The following FGF13 variants were observed in gnomAD, a reference collection of about 807,000 sequenced individuals.
The protein encoded by FGF13 is fibroblast growth factor homologous factor 2.
Under a neutral mutation model 19.5 loss-of-function variants are expected in FGF13, and 2 were observed. The ratio of observed to expected loss-of-function variants is 0.10; its 90% CI spans 0.04 to 0.32. The LOEUF (loss-of-function observed/expected upper bound fraction) is 0.32, where lower values mean the gene tolerates loss of function less well. Ranked by LOEUF, FGF13 falls within the 10% of genes least tolerant of loss-of-function variation. FGF13 has a pLI of 1.00. For synonymous variants in FGF13, 72 were observed against 76.9 expected (o/e 0.94, Z 0.33); for missense variants, 113 against 192.7 (o/e 0.59, Z 2.45).
At chrX:139,162,527 C>G (rs5976294) in intron 1 of FGF13, among the ~76,000 whole-genome samples, 12,891 of 111,449 alleles carry the variant, frequency 0.12, 1,198 homozygotes, top group African/African-American at 0.32. Context: ...CAACAAAAGC[C>G]AAAATTGACA....
intron 1 of FGF13, among the ~76,000 whole-genome samples, chrX:139,127,645 A>G (rs1349242881): frequency 1.8e-5 from 2 of 111,659 alleles, no homozygotes; most frequent in African/African-American, 6.5e-5. Flanking sequence ...TGGCCACCAC[A>G]GGCAACTCAG....
At chrX:139,170,878 G>A (rs995182769) in intron 1 of FGF13, among the ~76,000 whole-genome samples, 1 of 111,528 alleles carries the variant, frequency 9.0e-6, no homozygotes, top group African/African-American at 3.3e-5. Flanking sequence ...CTGACCTCCC[G>A]TCATTTCCCT....
chrX:139,042,991 G>A (rs1269271093), intron 1 of FGF13, among the ~76,000 whole-genome samples: 1 of 111,097 alleles, frequency 9.0e-6, no homozygotes, highest in African/African-American at 3.3e-5. Flanking sequence ...AGAAGTTTGT[G>A]TTTAATAGCT....
intron 1 of FGF13, among the ~76,000 whole-genome samples, chrX:139,173,308 C>G (rs890361506): frequency 1.8e-5 from 2 of 110,866 alleles, no homozygotes; most frequent in African/African-American, 6.6e-5. Context: ...ACTGTCTCTT[C>G]TAGAAATTGA....
chrX:138,682,890 A>C (rs2089743352), intron 3 of FGF13, among the ~76,000 whole-genome samples: 1 of 111,907 alleles, frequency 8.9e-6, no homozygotes, highest in Admixed American at 9.5e-5. Context: ...CTGGCAAGAA[A>C]ACATGCTTGA....
chrX:138,997,413 C>A (rs771746415), intron 1 of FGF13, among the ~76,000 whole-genome samples: 3 of 59,155 alleles, frequency 5.1e-5, no homozygotes, highest in South Asian at 9.3e-4. Flanking sequence ...TCTAACCCAA[C>A]GCAAGGAAGC....
chrX:138,644,325 T>G (rs2089283448), intron 3 of FGF13, among the ~76,000 whole-genome samples: 1 of 110,886 alleles, frequency 9.0e-6, no homozygotes, highest in African/African-American at 3.3e-5. Context: ...TTGCCCAGGC[T>G]GGAGTACAAT....
At chrX:139,196,057 G>A (rs961150691) in intron 1 of FGF13, among the ~76,000 whole-genome samples, 2 of 111,858 alleles carry the variant, frequency 1.8e-5, no homozygotes, top group African/African-American at 6.5e-5. Flanking sequence ...GAAAAGGAGG[G>A]AGGGAAAGAA....
At chrX:138,739,916 A>C (rs1016827168), upstream of FGF13, among the ~76,000 whole-genome samples, 1 of 112,189 alleles carries the variant, frequency 8.9e-6, no homozygotes, top group Non-Finnish European at 1.9e-5. Flanking sequence ...GTCCCTTGTT[A>C]AAAATTCAGA....
chrX:138,707,477 C>A (rs1382921775), intron 2 of FGF13, among the ~76,000 whole-genome samples: 1 of 111,177 alleles, frequency 9.0e-6, no homozygotes, highest in Non-Finnish European at 1.9e-5. Context: ...TCCCCTAATT[C>A]CTTCCCCAAA....
At chrX:138,960,698 T>G (rs1459072415) in intron 1 of FGF13, among the ~76,000 whole-genome samples, 1 of 111,919 alleles carries the variant, frequency 8.9e-6, no homozygotes, top group Non-Finnish European at 1.9e-5. Flanking sequence ...TTGGAGGCTT[T>G]GTTTGTTTCG....
At chrX:138,954,755 T>C (rs914145112) in intron 1 of FGF13, among the ~76,000 whole-genome samples, 3 of 111,990 alleles carry the variant, frequency 2.7e-5, no homozygotes, top group Middle Eastern at 4.6e-3. Context: ...CCCTATTCTG[T>C]ATTACATGCC....
intron 1 of FGF13, among the ~76,000 whole-genome samples, chrX:138,718,688 T>G (rs1569374069): frequency 2.7e-5 from 3 of 111,705 alleles, no homozygotes; most frequent in Admixed American, 9.5e-5. Context: ...CTGACCAAGA[T>G]TTGGGGAGAA....
At chrX:139,077,224 T>C (rs2083338449) in intron 1 of FGF13, among the ~76,000 whole-genome samples, 1 of 111,854 alleles carries the variant, frequency 8.9e-6, no homozygotes, top group Non-Finnish European at 1.9e-5. Context: ...TAGCATTCAA[T>C]AAATGCCAGT....
chrX:138,990,711 C>G (rs904935923), intron 1 of FGF13: 5 of 111,677 alleles, frequency 4.5e-5, no homozygotes, highest in Non-Finnish European at 9.4e-5. Context: ...CATCTCCCAC[C>G]GGGTTCCTCC....
intron 1 of FGF13, among the ~76,000 whole-genome samples, chrX:139,065,613 A>G (rs756569793): frequency 2.9e-4 from 32 of 111,287 alleles, no homozygotes; most frequent in African/African-American, 7.2e-4. Context: ...CAATACAACC[A>G]GAAGAGCTAA....
chrX:138,936,479 A>T (rs1297576908), intron 1 of FGF13, among the ~76,000 whole-genome samples: 1 of 112,536 alleles, frequency 8.9e-6, no homozygotes, highest in Non-Finnish European at 1.9e-5. Context: ...GTAAGGGCTC[A>T]CTAAGCATTA....
intron 1 of FGF13, among the ~76,000 whole-genome samples, chrX:139,167,865 T>C (rs1370964408): frequency 8.9e-6 from 1 of 112,347 alleles, no homozygotes; most frequent in Non-Finnish European, 1.9e-5. Flanking sequence ...CAGTAAAGTA[T>C]AAGTGCTGTG....
chrX:138,846,975 C>T (rs1309244551), intron 3 of FGF13, among the ~76,000 whole-genome samples: 2 of 111,703 alleles, frequency 1.8e-5, no homozygotes, highest in African/African-American at 6.5e-5. Flanking sequence ...CAAGTACCTC[C>T]TGAGTCGAGT....
Sources: gnomAD v4.1 joint callset for allele counts (sites outside exome capture counted in the v4.1 genomes callset) on GRCh38, gnomAD v4.1.1 for gene constraint, MANE v1.5 for transcripts, NCBI Gene and HGNC (gene_info 2026-07-23, HGNC 2026-07-21) for gene names.